Variants in SLC3A1 observed in about 807,000 individuals in gnomAD.
SLC3A1 encodes solute carrier family 3 member 1.
In SLC3A1, 78 loss-of-function variants were observed where a neutral mutation model predicts 60.3. The ratio of observed to expected loss-of-function variants is 1.29; its 90% CI spans 1.08 to 1.56. The LOEUF is 1.56. Among genes scored for constraint, SLC3A1 ranks in the 40% most tolerant of loss-of-function variants. The pLI is 0.00. For missense variants in SLC3A1, 1,172 were observed against 858.9 expected (o/e 1.36, Z -4.56); for synonymous variants, 392 against 307.9 (o/e 1.27, Z -2.86).
chr2:44,301,197 C>A (rs749922250), intron 6 of SLC3A1, 70 bp downstream of exon 6: 3 of 1,585,410 alleles, frequency 1.9e-6, no homozygotes, highest in East Asian at 2.2e-5. Context: ...CCCTCACAAC[C>A]AAGTGTATTT....
At chr2:44,284,211 C>T (rs1671560875) in intron 3 of SLC3A1, among the ~76,000 whole-genome samples, 1 of 152,138 alleles carries the variant, frequency 6.6e-6, no homozygotes, top group South Asian at 2.1e-4. Flanking sequence ...TCTCAAGTAG[C>T]TGGAACTACA....
intron 4 of SLC3A1, among the ~76,000 whole-genome samples, chr2:44,287,645 G>T (rs955797782): frequency 6.6e-5 from 10 of 152,062 alleles, no homozygotes; most frequent in Non-Finnish European, 1.3e-4. Context: ...TGAAGTAAGA[G>T]GTGGGGGCTG....
chr2:44,315,778 A>G (rs1414784050), intron 9 of SLC3A1, among the ~76,000 whole-genome samples: 1 of 152,084 alleles, frequency 6.6e-6, no homozygotes, highest in African/African-American at 2.4e-5. Flanking sequence ...GCCATGGCAT[A>G]ATTTCCCTAA....
chr2:44,316,112 G>T (rs1241002055), intron 9 of SLC3A1, among the ~76,000 whole-genome samples: 1 of 152,118 alleles, frequency 6.6e-6, no homozygotes, highest in Non-Finnish European at 1.5e-5. Context: ...ATGAGAGGCA[G>T]GCAACCAAAG....
intron 6 of SLC3A1, chr2:44,303,830 G>A (rs901023237): frequency 1.3e-5 from 7 of 524,438 alleles, no homozygotes; most frequent in South Asian, 2.1e-5. Context: ...AACATGCGGT[G>A]TTTGGTTTTC....
chr2:44,278,914 G>A (rs893516777), intron 1 of SLC3A1, among the ~76,000 whole-genome samples: 5 of 152,046 alleles, frequency 3.3e-5, no homozygotes, highest in South Asian at 2.1e-4. Context: ...CTGTGTTGAG[G>A]TTGCACTCCT....
At chr2:44,315,032 A>G (rs1672394530) in intron 9 of SLC3A1, 2 of 147,708 alleles carry the variant, frequency 1.4e-5, no homozygotes, top group African/African-American at 2.5e-5. Flanking sequence ...CCTGGGTTCA[A>G]GCGATTCTCC....
intron 9 of SLC3A1, among the ~76,000 whole-genome samples, chr2:44,316,129 A>C (rs552819268): frequency 6.6e-6 from 1 of 152,340 alleles, no homozygotes; most frequent in South Asian, 2.1e-4. Flanking sequence ...AAAGACAGGC[A>C]AACAAGGAAG....
intron 7 of SLC3A1, among the ~76,000 whole-genome samples, chr2:44,307,667 C>T (rs1187596777): frequency 6.7e-6 from 1 of 149,014 alleles, no homozygotes; most frequent in Admixed American, 6.8e-5. Context: ...AATGTCTGTT[C>T]AGATTCTTTG....
At position 44,321,256 on chromosome 2, in the gene SLC3A1, TAA is replaced by T; in HGVS notation, c.*620_*621del. The T allele has an allele frequency of 9.5e-7, 1 of 1,053,042 alleles. No homozygotes were observed. 65.2% of individuals were successfully genotyped at this position (1,053,042 alleles called of 1,614,324 possible). A position where few individuals can be genotyped will look rare whatever the true frequency, so the allele number is the denominator to read the frequency against. Reference sequence around the variant, plus strand: ...AGCACATTTTAAAAAATTAATAACTTAAAAGTCTCAAGTTATTAATTTTTTTT... The same window carrying T: ...AGCACATTTTAAAAAATTAATAACTTAAGTCTCAAGTTATTAATTTTTTTT... On this transcript the variant is annotated 3_prime_UTR_variant, in exon 10 of 10. Coordinates refer to ENST00000260649, the MANE Select transcript of SLC3A1 (RefSeq NM_000341.4).
chr2:44,288,296 G>A (rs1204063212), intron 4 of SLC3A1, among the ~76,000 whole-genome samples: 2 of 152,074 alleles, frequency 1.3e-5, no homozygotes, highest in Non-Finnish European at 2.9e-5. Flanking sequence ...AAAATGCTGG[G>A]ATTACAGGTA....
intron 1 of SLC3A1, among the ~76,000 whole-genome samples, chr2:44,279,157 C>A (rs2104331544): frequency 6.6e-6 from 1 of 152,060 alleles, no homozygotes; most frequent in African/African-American, 2.4e-5. Context: ...CACCATCGTC[C>A]CCAGCTAATT....
At chr2:44,309,126 C>T (rs1251030639) in intron 7 of SLC3A1, among the ~76,000 whole-genome samples, 1 of 152,176 alleles carries the variant, frequency 6.6e-6, no homozygotes, top group African/African-American at 2.4e-5. Context: ...TAAATACATT[C>T]AAAATGTTGT....
At chr2:44,321,696 C>A (rs1394027508), downstream of SLC3A1, 8 of 1,574,350 alleles carry the variant, frequency 5.1e-6, no homozygotes, top group African/African-American at 8.1e-5. Flanking sequence ...TCCCTCCCCT[C>A]CTGGGTCTCA....
At chr2:44,309,629 T>C (rs995457696) in intron 7 of SLC3A1, among the ~76,000 whole-genome samples, 2 of 152,238 alleles carry the variant, frequency 1.3e-5, no homozygotes, top group African/African-American at 4.8e-5. Flanking sequence ...AGATGGAGTC[T>C]CACTGTATCA....
chr2:44,280,692 C>A (rs112280180), intron 1 of SLC3A1, 24 bp from the exon 2 acceptor site: 12 of 1,554,740 alleles, frequency 7.7e-6, no homozygotes, highest in African/African-American at 6.8e-5. Flanking sequence ...AGGGTTTATT[C>A]ATGACTTTGA....
At chr2:44,283,314 C>T (rs1425401823) in intron 3 of SLC3A1, among the ~76,000 whole-genome samples, 1 of 152,226 alleles carries the variant, frequency 6.6e-6, no homozygotes, top group Non-Finnish European at 1.5e-5. Flanking sequence ...AGGCTGTCAG[C>T]AAGTCCTGGC....
intron 4 of SLC3A1, among the ~76,000 whole-genome samples, chr2:44,297,141 G>C (rs151137659): frequency 4.6e-5 from 7 of 152,280 alleles, no homozygotes; most frequent in African/African-American, 1.7e-4. Context: ...GTGAAAATTG[G>C]CTGTTTAGTA....
chr2:44,289,543 T>A (rs1055062032), intron 4 of SLC3A1, among the ~76,000 whole-genome samples: 1 of 151,876 alleles, frequency 6.6e-6, no homozygotes, highest in Non-Finnish European at 1.5e-5. Flanking sequence ...GATTTACAAA[T>A]AATTTTTCCT....
Sources: allele counts gnomAD v4.1 joint callset (sites outside exome capture counted in the v4.1 genomes callset), GRCh38; gene constraint gnomAD v4.1.1; transcripts MANE v1.5; gene names NCBI Gene and HGNC (gene_info 2026-07-23, HGNC 2026-07-21).